The following PRELID2 variants were observed in gnomAD, a reference collection of about 807,000 sequenced individuals.
PRELID2 encodes the protein PRELI domain containing 2.
PRELID2 carries 25 observed loss-of-function variants against 28.4 expected under a neutral mutation model. The observed-to-expected ratio is 0.88, with a 90% CI of 0.64 to 1.23. PRELID2 has a LOEUF of 1.23. PRELID2 is among the 50% of genes most tolerant of loss of function. The probability of loss-of-function intolerance (pLI) is 0.00; values close to 1 mark genes in which losing one functional copy is unlikely to be tolerated. For synonymous variants in PRELID2, 76 were observed against 71.6 expected, an observed-to-expected ratio of 1.06 and a Z score of -0.31; for missense variants, 201 against 214.4, an observed-to-expected ratio of 0.94 and a Z score of 0.39.
chr5:145,780,006 C>A (rs1268762943), intron 5 of PRELID2, among the ~76,000 whole-genome samples: 2 of 152,200 alleles, frequency 1.3e-5, no homozygotes, highest in African/African-American at 4.8e-5. Flanking sequence ...CATGGTGAGA[C>A]CTCGTCTCTT....
chr5:145,598,995 T>C (rs1189557249), intron 1 of PRELID2, among the ~76,000 whole-genome samples: 3 of 152,154 alleles, frequency 2.0e-5, no homozygotes, highest in Non-Finnish European at 4.4e-5. Context: ...CCTTCCTTTT[T>C]TATCCCCCTC....
chr5:145,569,446 CT>C (rs1245776544), intron 1 of PRELID2, among the ~76,000 whole-genome samples: 1 of 152,074 alleles, frequency 6.6e-6, no homozygotes, highest in Non-Finnish European at 1.5e-5. Flanking sequence ...CTCTTTTCTT[CT>C]CATTATCATG....
the PRELID2 span, among the ~76,000 whole-genome samples, chr5:145,449,557 G>A: frequency 3.9e-5 from 6 of 152,038 alleles, no homozygotes; most frequent in African/African-American, 1.4e-4. Context: ...TACGTGGTGG[G>A]CCAAAATGCA....
chr5:145,293,775 T>C, the PRELID2 span, among the ~76,000 whole-genome samples: 1 of 152,146 alleles, frequency 6.6e-6, no homozygotes, highest in Non-Finnish European at 1.5e-5. Flanking sequence ...ATAGTGAAGT[T>C]AGATCAAGAC....
the PRELID2 span, among the ~76,000 whole-genome samples, chr5:145,332,895 T>C: frequency 1.3e-4 from 20 of 152,198 alleles, no homozygotes; most frequent in African/African-American, 4.8e-4. Flanking sequence ...TATCCTCATC[T>C]TCATGGATTT....
chr5:145,323,216 A>G, the PRELID2 span, among the ~76,000 whole-genome samples: 1 of 151,948 alleles, frequency 6.6e-6, no homozygotes, highest in Non-Finnish European at 1.5e-5. Flanking sequence ...CTTTAAAGCT[A>G]GAAAGGGCAT....
chr5:145,626,205 C>T (rs1270286924), intron 1 of PRELID2, among the ~76,000 whole-genome samples: 2 of 152,104 alleles, frequency 1.3e-5, no homozygotes, highest in African/African-American at 4.8e-5. Flanking sequence ...TTAAAACCTT[C>T]TTCATAACAA....
intron 1 of PRELID2, among the ~76,000 whole-genome samples, chr5:145,524,891 C>T (rs1420371072): frequency 1.3e-5 from 2 of 152,284 alleles, no homozygotes; most frequent in Middle Eastern, 3.4e-3. Context: ...TACTGTGAGA[C>T]TAAGTGTCAT....
In PRELID2 at chr5:145,811,082, C is replaced by CAA. The variant is rs56978118; in HGVS notation, c.368+6810_368+6811dup. Among the ~76,000 whole-genome samples, 13 of 26,752 alleles carry CAA rather than the reference C, an allele frequency of 4.9e-4. 3 individuals are homozygous for CAA. Among genetic ancestry groups the CAA allele is most frequent in the Admixed American group, 8.0e-4 (1 of 1,248 alleles). 17.6% of individuals were successfully genotyped at this position (26,752 alleles called of 152,430 possible). ...AAGGCACGTCTTACATGGCAGCAGGCAAAAAAAAAAAAAAAAAAAAAAAAA... is the reference window on the plus strand; with the variant it reads ...AAGGCACGTCTTACATGGCAGCAGGCAAAAAAAAAAAAAAAAAAAAAAAAAAA... On this transcript the variant is annotated intron_variant, in intron 4 of 6. Transcript: ENST00000683046.
rs140362469 is a variant in PRELID2 at position 145,666,196 on chromosome 5, G to A, written n.70+98735C>T. 2.7e-3 allele frequency among the ~76,000 whole-genome samples: 410 copies of A among 152,034 alleles called. 2 individuals carry two copies. The highest frequency in any genetic ancestry group is 9.5e-3 in the African/African-American group (394 of 41,498). On this transcript the variant is annotated intron_variant and non_coding_transcript_variant, in intron 1 of 2. Transcript: ENST00000510259. Reference sequence around the variant, plus strand: ...CTACTTAGAGAACACTCCAGCTGCAGGTTGGCAAAAAGAGATTTCTTTCCT... The same window carrying A: ...CTACTTAGAGAACACTCCAGCTGCAAGTTGGCAAAAAGAGATTTCTTTCCT...
At chr5:145,301,660 C>A in the PRELID2 span, among the ~76,000 whole-genome samples, 517 of 152,140 alleles carry the variant, frequency 3.4e-3, 1 homozygote, top group African/African-American at 0.012. Context: ...TATCTATGAC[C>A]CATCTCAAAT....
intron 1 of PRELID2, among the ~76,000 whole-genome samples, chr5:145,668,280 G>T (rs1184486537): frequency 1.3e-5 from 2 of 151,734 alleles, no homozygotes; most frequent in Non-Finnish European, 2.9e-5. Context: ...CACCCAGCTG[G>T]TGTTTTCTGA....
At chr5:145,377,752 C>A in the PRELID2 span, among the ~76,000 whole-genome samples, 6 of 152,226 alleles carry the variant, frequency 3.9e-5, no homozygotes, top group Admixed American at 3.9e-4. Context: ...TTTCACCCAT[C>A]AAGAAATGGG....
intron 1 of PRELID2, among the ~76,000 whole-genome samples, chr5:145,731,004 T>C (rs1487392984): frequency 1.3e-5 from 2 of 152,188 alleles, no homozygotes; most frequent in Non-Finnish European, 2.9e-5. Flanking sequence ...AACTAATACA[T>C]ACTCTTAATC....
At chr5:145,503,123 T>C (rs1580960859) in intron 1 of PRELID2, among the ~76,000 whole-genome samples, 1 of 152,134 alleles carries the variant, frequency 6.6e-6, no homozygotes, top group East Asian at 1.9e-4. Flanking sequence ...AGATTAGTGA[T>C]AGCAGGGCCC....
intron 1 of PRELID2, among the ~76,000 whole-genome samples, chr5:145,704,573 T>A (rs1258821321): frequency 6.6e-6 from 1 of 152,196 alleles, no homozygotes; most frequent in Non-Finnish European, 1.5e-5. Flanking sequence ...AACAATATAA[T>A]GAAATAGAAA....
chr5:145,808,203 C>T (rs1037943892), intron 4 of PRELID2, among the ~76,000 whole-genome samples: 1 of 152,126 alleles, frequency 6.6e-6, no homozygotes, highest in African/African-American at 2.4e-5. Context: ...CCTTTAGCTC[C>T]AGGACTGGGC....
intron 1 of PRELID2, among the ~76,000 whole-genome samples, chr5:145,520,353 G>A (rs916103498): frequency 3.3e-5 from 5 of 152,162 alleles, no homozygotes; most frequent in Admixed American, 1.3e-4. Flanking sequence ...GCAACAAAGA[G>A]GTAACAATGA....
chr5:145,591,958 C>A (rs1490545937), intron 1 of PRELID2, among the ~76,000 whole-genome samples: 1 of 152,230 alleles, frequency 6.6e-6, no homozygotes, highest in Non-Finnish European at 1.5e-5. Context: ...GTACATTCTT[C>A]ACCTCTACCT....
Sources: allele counts gnomAD v4.1 joint callset (sites outside exome capture counted in the v4.1 genomes callset), GRCh38; gene constraint gnomAD v4.1.1; transcripts MANE v1.5; gene names NCBI Gene and HGNC (gene_info 2026-07-23, HGNC 2026-07-21).